CEP192: variants seen among roughly 807,000 people sequenced by gnomAD.
CEP192 encodes the protein centrosomal protein 192, also known as centrosomal protein of 192 kDa.
A neutral mutation model predicts 271.8 loss-of-function variants in CEP192; 151 were observed. That is an observed-to-expected ratio of 0.56 (90% confidence interval 0.49 to 0.64). The LOEUF is 0.64. Among genes scored for constraint, CEP192 ranks in the 30% least tolerant of loss-of-function variants. The pLI, the probability that CEP192 is intolerant of heterozygous loss-of-function variation, is 0.00. For missense variants in CEP192, 2,910 were observed against 3,020.5 expected (o/e 0.96, Z 0.86); for synonymous variants, 995 against 1,076.5 (o/e 0.92, Z 1.48).
rs182510533 is a variant in CEP192 at position 13,010,229 on chromosome 18, C to T, written c.466+1598C>T. ...TGTCTGATTCCTCTTAAGTACTCCACATTCACTTTCTTTTATCAAAGAAAT... is the reference window on the plus strand; with the variant it reads ...TGTCTGATTCCTCTTAAGTACTCCATATTCACTTTCTTTTATCAAAGAAAT... On this transcript the variant is annotated intron_variant, in intron 4 of 44. Coordinates refer to ENST00000506447, the MANE Select transcript of CEP192 (RefSeq NM_032142.4). Among the ~76,000 whole-genome samples, 608 of 152,290 alleles carry T rather than the reference C, an allele frequency of 4.0e-3. 9 individuals are homozygous for T. Among genetic ancestry groups the T allele is most frequent in the South Asian group, 0.017 (80 of 4,826 alleles).
chr18:13,079,193 TC>T (rs2038455255), intron 30 of CEP192, among the ~76,000 whole-genome samples: 2 of 152,210 alleles, frequency 1.3e-5, no homozygotes, highest in African/African-American at 4.8e-5. Flanking sequence ...TAATTCTAGA[TC>T]CTTGAGGAAT....
chr18:13,013,482 T>A (rs779279133), intron 5 of CEP192, among the ~76,000 whole-genome samples: 1 of 152,180 alleles, frequency 6.6e-6, no homozygotes, highest in Non-Finnish European at 1.5e-5. Flanking sequence ...ACACTTGTGA[T>A]CAGAAAAGAG....
At position 13,055,236 on chromosome 18, in the gene CEP192, G is replaced by A. The variant is rs1005288464; in HGVS notation, c.3190-544G>A. Reference sequence around the variant, plus strand: ...GAAGGTTGCAGTGAGCCGAGATTGCGCCATTGCACTCCAACCTGGGCAACA... The same window carrying A: ...GAAGGTTGCAGTGAGCCGAGATTGCACCATTGCACTCCAACCTGGGCAACA... On this transcript the variant is annotated intron_variant, in intron 18 of 44. Transcript: ENST00000506447. 4.7e-5 allele frequency among the ~76,000 whole-genome samples: 7 copies of A among 150,484 alleles called. No individual in the cohort carries two copies. The South Asian group carries it at 1.1e-3, about 23-fold the overall frequency.
chr18:13,083,411 A>G (rs191559254), intron 30 of CEP192, among the ~76,000 whole-genome samples: 5 of 152,290 alleles, frequency 3.3e-5, no homozygotes, highest in African/African-American at 2.4e-5. Context: ...CGAGTTGGCT[A>G]TTGAAGCTTG....
intron 30 of CEP192, among the ~76,000 whole-genome samples, chr18:13,076,537 T>C (rs1227422509): frequency 2.6e-5 from 4 of 152,188 alleles, no homozygotes; most frequent in Admixed American, 6.5e-5. Context: ...TTCTTAACCT[T>C]GTTACTCTGT....
chr18:13,051,669 G>A (rs537072830), intron 17 of CEP192, among the ~76,000 whole-genome samples: 18 of 152,028 alleles, frequency 1.2e-4, no homozygotes, highest in African/African-American at 3.4e-4. Context: ...TCATCCTCCC[G>A]AGTAGCTGGG....
chr18:13,049,940 A>C, intron 17 of CEP192, 49 bp downstream of exon 17: 4 of 1,445,954 alleles, frequency 2.8e-6, no homozygotes, highest in Non-Finnish European at 3.7e-6. Context: ...CGTTCAGTAT[A>C]GGAACTGGGA....
intron 32 of CEP192, among the ~76,000 whole-genome samples, chr18:13,088,266 AAT>A (rs1440818610): frequency 6.6e-6 from 1 of 152,060 alleles, no homozygotes; most frequent in East Asian, 1.9e-4. Context: ...TGGGCAACAT[AAT>A]GAGACCTTGT....
intron 30 of CEP192, among the ~76,000 whole-genome samples, chr18:13,085,012 A>G (rs2038828617): frequency 1.3e-5 from 2 of 150,686 alleles, no homozygotes; most frequent in Admixed American, 6.6e-5. Context: ...TTTTAAGTAG[A>G]AAAGGGGTTT....
chr18:13,011,091 G>C (rs1397314904), intron 4 of CEP192, among the ~76,000 whole-genome samples: 1 of 151,800 alleles, frequency 6.6e-6, no homozygotes, highest in Non-Finnish European at 1.5e-5. Context: ...GCTGGGCGTG[G>C]TGGCGGGCGC....
At chr18:13,062,973 C>T (rs566181076) in intron 21 of CEP192, among the ~76,000 whole-genome samples, 4 of 152,144 alleles carry the variant, frequency 2.6e-5, no homozygotes, top group East Asian at 1.9e-4. Context: ...TAAGTGAGAA[C>T]GTGATGTTTG....
intron 17 of CEP192, among the ~76,000 whole-genome samples, chr18:13,050,430 G>A (rs2036719114): frequency 6.6e-6 from 1 of 152,084 alleles, no homozygotes; most frequent in South Asian, 2.1e-4. Context: ...AGTTTTTCAT[G>A]TTCATCTGAA....
At chr18:13,102,659 C>T (rs765956060) in intron 38 of CEP192, among the ~76,000 whole-genome samples, 10 of 152,188 alleles carry the variant, frequency 6.6e-5, no homozygotes, top group Admixed American at 3.3e-4. Context: ...AGGACTTCTC[C>T]GTGCAGCTGC....
chr18:13,068,536 T>G, intron 24 of CEP192, 114 bp downstream of exon 24: 4 of 956,592 alleles, frequency 4.2e-6, no homozygotes, highest in East Asian at 2.5e-5. Flanking sequence ...TGTCAACTAT[T>G]TTATGTTTTT....
intron 44 of CEP192, among the ~76,000 whole-genome samples, chr18:13,122,872 T>C (rs1263976950): frequency 6.6e-6 from 1 of 152,084 alleles, no homozygotes; most frequent in Non-Finnish European, 1.5e-5. Flanking sequence ...GAGATTAAAT[T>C]AGTTCTCAAT....
intron 9 of CEP192, among the ~76,000 whole-genome samples, chr18:13,024,751 G>A (rs1599102988): frequency 6.6e-6 from 1 of 150,782 alleles, no homozygotes; most frequent in African/African-American, 2.4e-5. Context: ...ATGAGCCACC[G>A]TGCCTGGCCT....
In CEP192 at chr18:13,090,361, T is replaced by G. The variant is rs962257946; in HGVS notation, c.6103+796T>G. 2.6e-5 allele frequency among the ~76,000 whole-genome samples: 4 copies of G among 152,218 alleles called. No individual in the cohort carries two copies. The South Asian group carries it at 6.2e-4, about 24-fold the overall frequency. On this transcript the variant is annotated intron_variant, in intron 33 of 44. Coordinates refer to ENST00000506447, the MANE Select transcript of CEP192 (RefSeq NM_032142.4). Reference sequence around the variant, plus strand: ...CCTTTTTGAAGTTTGTATAGTAAGATCTCATTTTGCTAAAAATTATTACAT... The same window carrying G: ...CCTTTTTGAAGTTTGTATAGTAAGAGCTCATTTTGCTAAAAATTATTACAT...
intron 30 of CEP192, among the ~76,000 whole-genome samples, chr18:13,083,159 T>C (rs971858605): frequency 1.3e-5 from 2 of 152,228 alleles, no homozygotes; most frequent in Non-Finnish European, 2.9e-5. Context: ...TGAATTTGAA[T>C]GTTGGCCTGC....
chr18:13,078,745 A>G (rs966305613), intron 30 of CEP192, among the ~76,000 whole-genome samples: 2 of 151,950 alleles, frequency 1.3e-5, no homozygotes, highest in Non-Finnish European at 2.9e-5. Flanking sequence ...TTAACTCGTC[A>G]TTTACGTTAG....
Sources: allele counts gnomAD v4.1 joint callset (sites outside exome capture counted in the v4.1 genomes callset), GRCh38; gene constraint gnomAD v4.1.1; transcripts MANE v1.5; gene names NCBI Gene and HGNC (gene_info 2026-07-23, HGNC 2026-07-21).